Variants in DNM3 observed in about 807,000 individuals in gnomAD.
DNM3 encodes the protein dynamin-3.
Under a neutral mutation model 101.6 loss-of-function variants are expected in DNM3, and 47 were observed. The ratio of observed to expected loss-of-function variants is 0.46; its 90% CI spans 0.37 to 0.59. The LOEUF is 0.59. Among genes scored for constraint, DNM3 ranks in the 20% least tolerant of loss-of-function variants. The pLI is 0.00. For missense variants in DNM3, 849 were observed against 1,085.7 expected (o/e 0.78, Z 3.06); for synonymous variants, 385 against 387.9 (o/e 0.99, Z 0.09).
At chr1:172,096,140 A>G (rs1452624972) in intron 13 of DNM3, among the ~76,000 whole-genome samples, 6 of 152,232 alleles carry the variant, frequency 3.9e-5, no homozygotes, top group Non-Finnish European at 5.9e-5. Flanking sequence ...GCAAGAGGCC[A>G]GCCTTGGTCA....
chr1:171,900,905 G>C (rs1021571818), intron 1 of DNM3, among the ~76,000 whole-genome samples: 1 of 151,626 alleles, frequency 6.6e-6, no homozygotes, highest in Non-Finnish European at 1.5e-5. Flanking sequence ...TCAGGAGATC[G>C]AGACCATCCT....
chr1:172,030,178 A>G (rs891749497), intron 4 of DNM3, among the ~76,000 whole-genome samples: 8 of 152,200 alleles, frequency 5.3e-5, no homozygotes, highest in African/African-American at 1.9e-4. Context: ...TACAGTAACC[A>G]AAACAGCATG....
chr1:172,176,553 C>T (rs1243902441), intron 14 of DNM3, among the ~76,000 whole-genome samples: 1 of 151,772 alleles, frequency 6.6e-6, no homozygotes, highest in African/African-American at 2.4e-5. Flanking sequence ...GTCAGATCTT[C>T]AGATGATTAC....
At chr1:172,352,493 C>A (rs1241885084) in intron 17 of DNM3, among the ~76,000 whole-genome samples, 2 of 152,012 alleles carry the variant, frequency 1.3e-5, no homozygotes, top group Non-Finnish European at 2.9e-5. Context: ...ACAGCATAAG[C>A]CTCAGGGAAA....
chr1:172,389,798 C>T (rs1437877699), intron 20 of DNM3, among the ~76,000 whole-genome samples: 2 of 152,126 alleles, frequency 1.3e-5, no homozygotes, highest in South Asian at 2.1e-4. Flanking sequence ...ATGGCACTTA[C>T]GTTTTATTTT....
intron 17 of DNM3, among the ~76,000 whole-genome samples, chr1:172,352,482 T>C (rs1007246870): frequency 4.6e-5 from 7 of 152,142 alleles, no homozygotes; most frequent in African/African-American, 1.7e-4. Context: ...CCTAAATCAC[T>C]ACAGCATAAG....
intron 1 of DNM3, among the ~76,000 whole-genome samples, chr1:171,887,235 A>G (rs1274957612): frequency 6.6e-6 from 1 of 152,204 alleles, no homozygotes; most frequent in Non-Finnish European, 1.5e-5. Flanking sequence ...CTAATCTACT[A>G]TCCTCACTTT....
chr1:172,306,768 CA>C (rs1304546156), intron 15 of DNM3, among the ~76,000 whole-genome samples: 1 of 152,132 alleles, frequency 6.6e-6, no homozygotes, highest in Non-Finnish European at 1.5e-5. Context: ...CCAAAACAAG[CA>C]ATGAGGAAAG....
rs368168901 is a variant in DNM3 at position 171,847,335 on chromosome 1, C to A, written c.161+5518C>A. On this transcript the variant is annotated intron_variant, in intron 1 of 20. Coordinates refer to ENST00000627582, the MANE Select transcript of DNM3 (RefSeq NM_015569.5). The stretch of plus-strand genomic sequence containing the variant: ...GAACTGAATATAAGTGGAAAGTAGA[C>A]AATATATGCATTTCCAGTGTCATCT... 3.3e-5 allele frequency among the ~76,000 whole-genome samples: 5 copies of A among 152,206 alleles called. No individual in the cohort carries two copies. The South Asian group carries it at 6.2e-4, about 19-fold the overall frequency.
At chr1:172,380,260 G>A (rs2068825362) in intron 18 of DNM3, among the ~76,000 whole-genome samples, 1 of 151,976 alleles carries the variant, frequency 6.6e-6, no homozygotes, top group Admixed American at 6.6e-5. Flanking sequence ...AAAGTACTGT[G>A]AAAAATATAA....
At chr1:171,865,321 G>A (rs1169719177) in intron 1 of DNM3, among the ~76,000 whole-genome samples, 1 of 151,914 alleles carries the variant, frequency 6.6e-6, no homozygotes, top group Non-Finnish European at 1.5e-5. Context: ...TTCTAGACAA[G>A]CCTGGGCAAC....
At chr1:172,320,933 TAA>T (rs1406305167) in intron 16 of DNM3, among the ~76,000 whole-genome samples, 3 of 152,230 alleles carry the variant, frequency 2.0e-5, no homozygotes. Context: ...TCAGAGTTTT[TAA>T]AGAGGTTTTA....
chr1:172,229,141 A>C (rs1309342614), intron 14 of DNM3, among the ~76,000 whole-genome samples: 1 of 152,174 alleles, frequency 6.6e-6, no homozygotes, highest in Non-Finnish European at 1.5e-5. Flanking sequence ...GAAGAAACAC[A>C]TCTGGGAAAT....
intron 17 of DNM3, among the ~76,000 whole-genome samples, chr1:172,347,197 C>CT (rs1025755656): frequency 2.0e-5 from 3 of 147,064 alleles, no homozygotes; most frequent in Non-Finnish European, 3.0e-5. Context: ...AGCAGAAGCC[C>CT]CCCCCGCCAA....
chr1:172,048,583 T>C, intron 9 of DNM3, 29 bp from the exon 10 acceptor site: 1 of 1,580,214 alleles, frequency 6.3e-7, no homozygotes, highest in Non-Finnish European at 8.6e-7. Flanking sequence ...TAAAAAAATC[T>C]CATGGGCTGC....
chr1:172,180,706 TTTC>T (rs1182345752), intron 14 of DNM3, among the ~76,000 whole-genome samples: 2 of 152,096 alleles, frequency 1.3e-5, no homozygotes, highest in Non-Finnish European at 2.9e-5. Context: ...CTGTTTTGTG[TTTC>T]TGTAGAGGGT....
intron 20 of DNM3, among the ~76,000 whole-genome samples, chr1:172,398,914 T>G (rs2070241448): frequency 6.6e-6 from 1 of 152,250 alleles, no homozygotes; most frequent in South Asian, 2.1e-4. Flanking sequence ...GACTTCTTGT[T>G]GGCAAGAGAT....
intron 17 of DNM3, chr1:172,370,235 A>T (rs530939626): frequency 2.4e-4 from 36 of 152,062 alleles, no homozygotes; most frequent in Non-Finnish European, 4.3e-4. Context: ...GGCTACTAGA[A>T]ATGTGGCTTG....
At chr1:172,299,432 AC>A (rs1279981647) in intron 15 of DNM3, among the ~76,000 whole-genome samples, 1 of 152,222 alleles carries the variant, frequency 6.6e-6, no homozygotes, top group East Asian at 1.9e-4. Context: ...CAGGTTTGTT[AC>A]ATGGGTATAT....
Sources: gnomAD v4.1 joint callset for allele counts (sites outside exome capture counted in the v4.1 genomes callset) on GRCh38, gnomAD v4.1.1 for gene constraint, MANE v1.5 for transcripts, NCBI Gene and HGNC (gene_info 2026-07-23, HGNC 2026-07-21) for gene names.